The following LRRTM4 variants were observed in gnomAD, a reference collection of about 807,000 sequenced individuals.
LRRTM4 encodes leucine-rich repeat transmembrane neuronal protein 4.
In LRRTM4, 25 loss-of-function variants were observed where a neutral mutation model predicts 47.6. That is an observed-to-expected ratio of 0.53 (90% confidence interval 0.38 to 0.73). LRRTM4 has a LOEUF of 0.73. LRRTM4 is among the 30% of genes least tolerant of loss of function. LRRTM4 has a pLI of 0.00. For synonymous variants in LRRTM4, 311 were observed against 269.5 expected, an observed-to-expected ratio of 1.15 and a Z score of -1.51; for missense variants, 638 against 713.4, an observed-to-expected ratio of 0.89 and a Z score of 1.20.
At chr2:77,037,743 CTTAT>C (rs986772476) in intron 3 of LRRTM4, among the ~76,000 whole-genome samples, 2 of 150,508 alleles carry the variant, frequency 1.3e-5, no homozygotes, top group African/African-American at 2.5e-5. Flanking sequence ...TGTTTGTTTG[CTTAT>C]TTGTTTTCAG....
chr2:77,429,958 C>A (rs1675296624), intron 3 of LRRTM4, among the ~76,000 whole-genome samples: 1 of 151,976 alleles, frequency 6.6e-6, no homozygotes, highest in South Asian at 2.1e-4. Flanking sequence ...TCCAGATACT[C>A]AGGAGGCTGA....
chr2:77,480,824 A>G (rs1053853024), intron 3 of LRRTM4, among the ~76,000 whole-genome samples: 83 of 91,914 alleles, frequency 9.0e-4, no homozygotes, highest in Admixed American at 3.9e-3. Flanking sequence ...GTGTGTGTGG[A>G]GAGAGAGAGA....
At chr2:77,504,362 G>T (rs2104085507) in intron 3 of LRRTM4, among the ~76,000 whole-genome samples, 1 of 151,638 alleles carries the variant, frequency 6.6e-6, no homozygotes, top group African/African-American at 2.4e-5. Flanking sequence ...TGCAGAAATA[G>T]TTTGCTGCCC....
chr2:76,880,845 T>A (rs539385601), intron 3 of LRRTM4, among the ~76,000 whole-genome samples: 5 of 152,178 alleles, frequency 3.3e-5, no homozygotes, highest in Non-Finnish European at 7.4e-5. Flanking sequence ...CAATTGGTAT[T>A]TGATTTTTCA....
rs1678016157 is a variant in LRRTM4, at chr2:77,488,543, T to C, written c.1551+29775A>G. ...ACCACTGATCACAAAGTTTTTCATC[T>C]GGCAAGGTGACACCCAAGGATCCCA... On this transcript the variant is annotated intron_variant, in intron 3 of 3. Transcript: ENST00000409884. Among the ~76,000 whole-genome samples the C allele has an allele frequency of 2.6e-5, 4 of 152,300 alleles. No individual in the cohort carries two copies. The South Asian group carries it at 8.3e-4, about 32-fold the overall frequency.
intron 3 of LRRTM4, among the ~76,000 whole-genome samples, chr2:77,172,578 G>A (rs1161211274): frequency 1.3e-5 from 2 of 152,054 alleles, no homozygotes; most frequent in African/African-American, 2.4e-5. Context: ...GGGTGACAGA[G>A]TGAGACTTCG....
intron 3 of LRRTM4, among the ~76,000 whole-genome samples, chr2:76,904,031 T>G (rs1259001444): frequency 6.6e-6 from 1 of 152,236 alleles, no homozygotes; most frequent in African/African-American, 2.4e-5. Flanking sequence ...TGCTTCACAT[T>G]CAAACTCATT....
chr2:77,164,047 G>T lies in LRRTM4; in HGVS notation c.1551+354271C>A, dbSNP rs140646224. On this transcript the variant is annotated intron_variant, in intron 3 of 3. Transcript: ENST00000409884. ...ATAAGCAGTCAACACCCATCAGTGT[G>T]CTGTATTCAGGAGACCCATCTCACA... Among the ~76,000 whole-genome samples the T allele has an allele frequency of 8.5e-5, 13 of 152,268 alleles. No homozygotes were observed. In the East Asian group the frequency reaches 9.7e-4, roughly 11 times the overall value.
At chr2:77,292,099 C>T (rs961122922) in intron 3 of LRRTM4, among the ~76,000 whole-genome samples, 6 of 152,000 alleles carry the variant, frequency 3.9e-5, no homozygotes, top group Non-Finnish European at 7.4e-5. Context: ...TGAAAAAATG[C>T]TCACCATCAC....
intron 3 of LRRTM4, among the ~76,000 whole-genome samples, chr2:76,801,138 T>C (rs981897164): frequency 2.4e-4 from 36 of 152,088 alleles, no homozygotes; most frequent in African/African-American, 8.5e-4. Flanking sequence ...GGAAATACCA[T>C]TTGACCCAGC....
intron 3 of LRRTM4, among the ~76,000 whole-genome samples, chr2:77,000,801 C>CTTT (rs140188864): frequency 6.6e-6 from 1 of 151,974 alleles, no homozygotes; most frequent in Admixed American, 6.6e-5. Flanking sequence ...AGGAAGATTC[C>CTTT]TTTTTTTCTT....
chr2:77,315,269 C>T (rs1378323422), intron 3 of LRRTM4, among the ~76,000 whole-genome samples: 2 of 152,080 alleles, frequency 1.3e-5, no homozygotes, highest in African/African-American at 4.8e-5. Context: ...GCTTAAAAAT[C>T]ATAAAACACT....
chr2:76,829,810 C>T (rs748896389), intron 3 of LRRTM4, among the ~76,000 whole-genome samples: 10 of 152,016 alleles, frequency 6.6e-5, no homozygotes, highest in Middle Eastern at 3.2e-3. Flanking sequence ...TGTGAGACCT[C>T]TGCCTTGCAT....
chr2:77,106,799 T>C (rs2103923673), intron 3 of LRRTM4, among the ~76,000 whole-genome samples: 1 of 151,966 alleles, frequency 6.6e-6, no homozygotes, highest in Admixed American at 6.5e-5. Flanking sequence ...ATAATAATAA[T>C]AATAATGAGG....
At position 77,088,623 on chromosome 2, in the gene LRRTM4, A is replaced by T. The variant is rs537689012; in HGVS notation, c.1552-339707T>A. Among the ~76,000 whole-genome samples, 194 of 152,258 alleles carry T rather than the reference A, an allele frequency of 1.3e-3. 1 individual carries two copies. Among genetic ancestry groups the T allele is most frequent in the African/African-American group, 4.2e-3 (176 of 41,558 alleles). On this transcript the variant is annotated intron_variant, in intron 3 of 3. Transcript: ENST00000409884. Reference sequence around the variant, plus strand: ...CTGCACCCAGGTGAAATAAACAGCCATGTTGCTCACACAAAGCCTGTTTGG... The same window carrying T: ...CTGCACCCAGGTGAAATAAACAGCCTTGTTGCTCACACAAAGCCTGTTTGG...
chr2:77,068,805 C>T (rs182491573), intron 3 of LRRTM4, among the ~76,000 whole-genome samples: 4 of 152,338 alleles, frequency 2.6e-5, no homozygotes, highest in African/African-American at 9.6e-5. Flanking sequence ...CTCTACAGCA[C>T]TGTAACATGT....
intron 3 of LRRTM4, among the ~76,000 whole-genome samples, chr2:77,101,844 A>T (rs536184302): frequency 6.6e-6 from 1 of 152,270 alleles, no homozygotes; most frequent in Non-Finnish European, 1.5e-5. Flanking sequence ...AGTTTGTTTA[A>T]TCATGTTGCT....
chr2:76,951,136 TG>T (rs754812976), intron 3 of LRRTM4, among the ~76,000 whole-genome samples: 1 of 152,068 alleles, frequency 6.6e-6, no homozygotes, highest in Admixed American at 6.6e-5. Context: ...GAATAATAGT[TG>T]GAAAAAATTA....
At chr2:76,776,665 G>C (rs2104135825) in intron 3 of LRRTM4, among the ~76,000 whole-genome samples, 1 of 148,484 alleles carries the variant, frequency 6.7e-6, no homozygotes, top group Non-Finnish European at 1.5e-5. Flanking sequence ...TTAGCCCTTT[G>C]TCAGATGAGT....
Sources: gnomAD v4.1 joint callset for allele counts (sites outside exome capture counted in the v4.1 genomes callset) on GRCh38, gnomAD v4.1.1 for gene constraint, MANE v1.5 for transcripts, NCBI Gene and HGNC (gene_info 2026-07-23, HGNC 2026-07-21) for gene names.